Variants in ENTREP2 observed in about 807,000 individuals in gnomAD.
The protein encoded by ENTREP2 is endosomal transmembrane epsin interactor 2, also known as protein ENTREP2.
chr15:29,672,175 A>G, the ENTREP2 span, among the ~76,000 whole-genome samples: 1 of 151,940 alleles, frequency 6.6e-6, no homozygotes, highest in Non-Finnish European at 1.5e-5. Context: ...TTTAGTAGAG[A>G]GGAGGTTTTG....
the ENTREP2 span, among the ~76,000 whole-genome samples, chr15:29,126,962 T>G: frequency 6.6e-6 from 1 of 152,134 alleles, no homozygotes; most frequent in East Asian, 1.9e-4. Flanking sequence ...ACACTGGCCT[T>G]GGCTCTCAGG....
At chr15:29,497,159 T>C in the ENTREP2 span, among the ~76,000 whole-genome samples, 1 of 152,134 alleles carries the variant, frequency 6.6e-6, no homozygotes, top group African/African-American at 2.4e-5. Context: ...TGCAATGACA[T>C]AGCAAGAGGA....
chr15:29,487,504 T>C, the ENTREP2 span, among the ~76,000 whole-genome samples: 1 of 152,196 alleles, frequency 6.6e-6, no homozygotes, highest in Admixed American at 6.5e-5. Context: ...TGGCATCTGG[T>C]GCTCAAGGAA....
At chr15:29,152,021 T>C in the ENTREP2 span, among the ~76,000 whole-genome samples, 1 of 152,230 alleles carries the variant, frequency 6.6e-6, no homozygotes, top group African/African-American at 2.4e-5. Flanking sequence ...AGAAACACAT[T>C]CGTTTATTCC....
the ENTREP2 span, among the ~76,000 whole-genome samples, chr15:29,502,179 A>G: frequency 1.3e-5 from 2 of 151,968 alleles, no homozygotes; most frequent in African/African-American, 2.4e-5. Flanking sequence ...CAATCTTGAA[A>G]AAGAACAAAG....
At chr15:29,237,330 C>A in the ENTREP2 span, among the ~76,000 whole-genome samples, 2 of 151,984 alleles carry the variant, frequency 1.3e-5, no homozygotes, top group East Asian at 1.9e-4. Context: ...TTTTCGGAGA[C>A]CTGGTTTTTA....
chr15:29,264,024 G>A, the ENTREP2 span, among the ~76,000 whole-genome samples: 4 of 152,004 alleles, frequency 2.6e-5, no homozygotes, highest in Non-Finnish European at 2.9e-5. Context: ...GCATGGTGGC[G>A]GGTGCCTGTA....
the ENTREP2 span, among the ~76,000 whole-genome samples, chr15:29,301,924 G>A: frequency 2.6e-5 from 4 of 152,124 alleles, no homozygotes; most frequent in Admixed American, 6.5e-5. Context: ...GTGCCTTCAT[G>A]TTGGACTTCT....
At chr15:29,446,872 A>C in the ENTREP2 span, among the ~76,000 whole-genome samples, 1 of 152,138 alleles carries the variant, frequency 6.6e-6, no homozygotes, top group South Asian at 2.1e-4. Context: ...CTCTTGAGCC[A>C]TTCTTCTGCA....
the ENTREP2 span, among the ~76,000 whole-genome samples, chr15:29,606,080 T>C: frequency 6.6e-6 from 1 of 152,110 alleles, no homozygotes; most frequent in Non-Finnish European, 1.5e-5. Context: ...GACCTTATAC[T>C]TTAGTCCTAC....
the ENTREP2 span, among the ~76,000 whole-genome samples, chr15:29,485,847 C>G: frequency 3.3e-5 from 5 of 152,096 alleles, no homozygotes; most frequent in Non-Finnish European, 7.4e-5. Context: ...TGGCTATTAT[C>G]AAAAAGACAG....
the ENTREP2 span, among the ~76,000 whole-genome samples, chr15:29,543,648 G>A: frequency 0.051 from 7,796 of 151,938 alleles, 628 homozygotes; most frequent in African/African-American, 0.18. Context: ...GTGTGGTGGC[G>A]GGCACCTGTG....
At chr15:29,532,501 G>A in the ENTREP2 span, among the ~76,000 whole-genome samples, 1 of 152,170 alleles carries the variant, frequency 6.6e-6, no homozygotes, top group Non-Finnish European at 1.5e-5. Flanking sequence ...ACTTGTTTGA[G>A]TAATTACAAC....
the ENTREP2 span, among the ~76,000 whole-genome samples, chr15:29,338,620 G>C: frequency 6.6e-6 from 1 of 151,578 alleles, no homozygotes; most frequent in Non-Finnish European, 1.5e-5. Flanking sequence ...AGAGCTCCTC[G>C]GCCAGCCATC....
At chr15:29,511,269 T>G in the ENTREP2 span, among the ~76,000 whole-genome samples, 69,019 of 151,846 alleles carry the variant, frequency 0.45, 16,155 homozygotes, top group African/African-American at 0.56. Flanking sequence ...GGCTCATTTT[T>G]ACATAAGATT....
the ENTREP2 span, among the ~76,000 whole-genome samples, chr15:29,477,178 C>A: frequency 2.0e-5 from 3 of 151,972 alleles, no homozygotes; most frequent in African/African-American, 7.3e-5. Context: ...TGTATGAATC[C>A]ATTTATATAA....
the ENTREP2 span, among the ~76,000 whole-genome samples, chr15:29,451,979 G>A: frequency 2.0e-5 from 3 of 152,168 alleles, no homozygotes; most frequent in Non-Finnish European, 4.4e-5. Flanking sequence ...ATTCACTAAA[G>A]GGTTTTAAAA....
chr15:29,382,720 TCTCCTAGGCGGC>T, the ENTREP2 span, among the ~76,000 whole-genome samples: 2 of 152,072 alleles, frequency 1.3e-5, no homozygotes, highest in Non-Finnish European at 2.9e-5. Context: ...GGCCTGCCTG[TCTCCTAGGCGGC>T]CTCCTGAGGC....
chr15:29,629,672 A>G, the ENTREP2 span, among the ~76,000 whole-genome samples: 1 of 152,238 alleles, frequency 6.6e-6, no homozygotes, highest in Non-Finnish European at 1.5e-5. Flanking sequence ...TGTTTTAACC[A>G]TCAAATATAA....
Sources: gnomAD v4.1 joint callset for allele counts (sites outside exome capture counted in the v4.1 genomes callset) on GRCh38, gnomAD v4.1.1 for gene constraint, MANE v1.5 for transcripts, NCBI Gene and HGNC (gene_info 2026-07-23, HGNC 2026-07-21) for gene names.